EBF1: variants seen among roughly 807,000 people sequenced by gnomAD.
The protein encoded by EBF1 is transcription factor COE1.
EBF1 carries 10 observed loss-of-function variants against 68.4 expected under a neutral mutation model. The observed-to-expected ratio is 0.15, with a 90% confidence interval of 0.09 to 0.25. The LOEUF is 0.25. EBF1 is among the 10% of genes least tolerant of loss of function. EBF1 has a pLI of 1.00. For missense variants in EBF1, 509 were observed against 794.4 expected, an observed-to-expected ratio of 0.64 and a Z score of 4.32; for synonymous variants, 298 against 299.8, an observed-to-expected ratio of 0.99 and a Z score of 0.06.
intron 11 of EBF1, among the ~76,000 whole-genome samples, chr5:158,718,437 C>T (rs1365593344): frequency 6.6e-6 from 1 of 152,156 alleles, no homozygotes; most frequent in Non-Finnish European, 1.5e-5. Flanking sequence ...ATGCTGGCTT[C>T]AATCTGTGCC....
intron 8 of EBF1, among the ~76,000 whole-genome samples, chr5:158,803,614 C>T (rs1164883060): frequency 1.4e-4 from 21 of 151,952 alleles, no homozygotes; most frequent in Admixed American, 1.4e-3. Context: ...ACCATGGTAC[C>T]AGAGTATGCA....
chr5:159,035,887 G>A (rs915946786), intron 6 of EBF1, among the ~76,000 whole-genome samples: 8 of 152,274 alleles, frequency 5.3e-5, no homozygotes, highest in South Asian at 2.1e-4. Flanking sequence ...TTTGGGGTTC[G>A]AAGGACCTTG....
At chr5:158,995,640 C>G (rs1320167271) in intron 6 of EBF1, among the ~76,000 whole-genome samples, 2 of 152,170 alleles carry the variant, frequency 1.3e-5, no homozygotes, top group African/African-American at 4.8e-5. Flanking sequence ...GCTCTGTGAG[C>G]TTGGATATAT....
intron 6 of EBF1, among the ~76,000 whole-genome samples, chr5:158,900,327 G>C (rs750775764): frequency 1.1e-4 from 16 of 152,240 alleles, no homozygotes; most frequent in Middle Eastern, 6.8e-3. Flanking sequence ...AAATTATACT[G>C]TGTCTCCACT....
intron 10 of EBF1, among the ~76,000 whole-genome samples, chr5:158,739,020 T>C (rs1337373564): frequency 2.6e-5 from 4 of 152,200 alleles, no homozygotes; most frequent in Non-Finnish European, 4.4e-5. Flanking sequence ...CACCCTAGTA[T>C]TTTAAATTTG....
chr5:159,059,513 C>T (rs774393718), intron 6 of EBF1, among the ~76,000 whole-genome samples: 5 of 152,196 alleles, frequency 3.3e-5, no homozygotes, highest in Non-Finnish European at 5.9e-5. Flanking sequence ...AACACCACAA[C>T]GCTAACTCTG....
At chr5:158,815,047 A>T (rs892833549) in intron 8 of EBF1, among the ~76,000 whole-genome samples, 2 of 152,212 alleles carry the variant, frequency 1.3e-5, no homozygotes, top group Non-Finnish European at 2.9e-5. Flanking sequence ...TAAGAACAAT[A>T]GGATAGGAGA....
intron 6 of EBF1, among the ~76,000 whole-genome samples, chr5:159,028,912 G>C (rs776853659): frequency 7.9e-5 from 12 of 152,242 alleles, no homozygotes; most frequent in Non-Finnish European, 1.5e-4. Flanking sequence ...AGTGAGGCTG[G>C]AGTGTGGCAG....
chr5:159,054,837 C>T (rs1040127914), intron 6 of EBF1, among the ~76,000 whole-genome samples: 10 of 152,216 alleles, frequency 6.6e-5, no homozygotes, highest in African/African-American at 2.2e-4. Context: ...TGCCCACAAC[C>T]TTTTGGGGTT....
intron 10 of EBF1, among the ~76,000 whole-genome samples, chr5:158,747,899 C>T (rs191699616): frequency 4.4e-4 from 67 of 152,274 alleles, no homozygotes; most frequent in Middle Eastern, 3.4e-3. Flanking sequence ...AGAGGGGTGA[C>T]GGATCTTGCC....
chr5:158,903,415 G>A (rs1803874157), intron 6 of EBF1, among the ~76,000 whole-genome samples: 1 of 152,050 alleles, frequency 6.6e-6, no homozygotes, highest in African/African-American at 2.4e-5. Flanking sequence ...GGTCAGCAAT[G>A]GCCCCTCTCT....
intron 10 of EBF1, among the ~76,000 whole-genome samples, chr5:158,731,552 A>G (rs193075179): frequency 6.6e-6 from 1 of 152,366 alleles, no homozygotes; most frequent in Admixed American, 6.5e-5. Context: ...CAGGAGAATT[A>G]AAAGTATCTG....
chr5:158,880,139 A>G (rs1798607975), intron 6 of EBF1, among the ~76,000 whole-genome samples: 1 of 152,190 alleles, frequency 6.6e-6, no homozygotes, highest in Non-Finnish European at 1.5e-5. Context: ...GGCTCTTGAT[A>G]AACACTCACA....
intron 6 of EBF1, among the ~76,000 whole-genome samples, chr5:159,006,390 T>A (rs1763550143): frequency 6.6e-6 from 1 of 152,056 alleles, no homozygotes; most frequent in Non-Finnish European, 1.5e-5. Context: ...TCTGTCCATT[T>A]TTACAATCTA....
At chr5:158,910,510 A>C (rs1805727212) in intron 6 of EBF1, among the ~76,000 whole-genome samples, 1 of 152,222 alleles carries the variant, frequency 6.6e-6, no homozygotes, top group Non-Finnish European at 1.5e-5. Context: ...TACTTTGGTG[A>C]AATTAGATCC....
chr5:158,935,135 C>T (rs1289286704), intron 6 of EBF1, among the ~76,000 whole-genome samples: 1 of 152,198 alleles, frequency 6.6e-6, no homozygotes, highest in Admixed American at 6.5e-5. Flanking sequence ...TTTTGTTTGG[C>T]CTCAATGGAG....
chr5:159,075,026 C>T (rs1463436397), intron 5 of EBF1, among the ~76,000 whole-genome samples: 1 of 152,190 alleles, frequency 6.6e-6, no homozygotes, highest in African/African-American at 2.4e-5. Context: ...ATCCCCTATA[C>T]CTACATTTCA....
chr5:158,819,023 A>G (rs1488834055), intron 8 of EBF1, among the ~76,000 whole-genome samples: 1 of 152,108 alleles, frequency 6.6e-6, no homozygotes, highest in East Asian at 1.9e-4. Context: ...TGAGCTCTAG[A>G]ACGTGCTCAC....
At chr5:158,818,111 G>A (rs959654277) in intron 8 of EBF1, among the ~76,000 whole-genome samples, 1 of 152,126 alleles carries the variant, frequency 6.6e-6, no homozygotes, top group Non-Finnish European at 1.5e-5. Context: ...ATACAAAACT[G>A]AGGCCCACAG....
Sources: gnomAD v4.1 joint callset for allele counts (sites outside exome capture counted in the v4.1 genomes callset) on GRCh38, gnomAD v4.1.1 for gene constraint, MANE v1.5 for transcripts, NCBI Gene and HGNC (gene_info 2026-07-23, HGNC 2026-07-21) for gene names.